Variants in ACSM2B observed in about 807,000 individuals in gnomAD.
ACSM2B encodes the protein acyl-coenzyme A synthetase ACSM2B, mitochondrial.
Under a neutral mutation model 78.6 loss-of-function variants are expected in ACSM2B, and 58 were observed. The ratio of observed to expected loss-of-function variants is 0.74; its 90% CI spans 0.60 to 0.92. The LOEUF (loss-of-function observed/expected upper bound fraction) is 0.92. Ranked by LOEUF, ACSM2B falls within the 40% of genes least tolerant of loss-of-function variation. The pLI is 0.00. For synonymous variants in ACSM2B, 257 were observed against 256.8 expected (o/e 1.00, Z -0.01); for missense variants, 688 against 711.2 (o/e 0.97, Z 0.37).
rs1443827391 is a variant in ACSM2B at position 20,539,015 on chromosome 16, T to TAC, written c.1629+1637_1629+1638dup. 1.8e-4 allele frequency among the ~76,000 whole-genome samples: 28 copies of TAC among 152,184 alleles called. No individual in the cohort carries two copies. The East Asian group carries it at 2.1e-3, about 12-fold the overall frequency. ...GGTCACACTCCTTCCCAGGGCAGCCTACATCCATACCTGATCCACCTGTGA... is the reference window on the plus strand; with the variant it reads ...GGTCACACTCCTTCCCAGGGCAGCCTACACATCCATACCTGATCCACCTGTGA... On this transcript the variant is annotated intron_variant, in intron 13 of 13. Transcript: ENST00000329697.
chr16:20,559,521 A>G, intron 2 of ACSM2B, 74 bp from the exon 3 acceptor site: 2 of 1,546,616 alleles, frequency 1.3e-6, no homozygotes, highest in Non-Finnish European at 1.8e-6. Flanking sequence ...AAGTCTTGGG[A>G]TTGCCAAGCT....
chr16:20,569,984 A>G (rs1567220795), intron 1 of ACSM2B, among the ~76,000 whole-genome samples: 1 of 151,876 alleles, frequency 6.6e-6, no homozygotes, highest in African/African-American at 2.4e-5. Flanking sequence ...TCTTCTAGGT[A>G]TACAATCATA....
intron 10 of ACSM2B, chr16:20,544,482 C>T: frequency 2.7e-6 from 2 of 744,704 alleles, no homozygotes; most frequent in Non-Finnish European, 3.3e-6. Context: ...GTTTATACAA[C>T]AATGCTTGCC....
chr16:20,549,752 A>G (rs1412244899), intron 6 of ACSM2B: 9 of 450,006 alleles, frequency 2.0e-5, no homozygotes, highest in Admixed American at 9.5e-5. Flanking sequence ...TAAGACATCA[A>G]TCAAACACAT....
intron 2 of ACSM2B, among the ~76,000 whole-genome samples, chr16:20,559,899 T>C (rs1336851444): frequency 6.6e-6 from 1 of 151,110 alleles, no homozygotes; most frequent in Non-Finnish European, 1.5e-5. Flanking sequence ...ATGTATCTTC[T>C]GGAAAATGCT....
rs1179779015 is a variant in ACSM2B, at chr16:20,536,340, C to T, written c.*918G>A. On this transcript the variant is annotated 3_prime_UTR_variant, in exon 14 of 14. Coordinates refer to ENST00000329697, the MANE Select transcript of ACSM2B (RefSeq NM_001105069.2). ...AACATGAGGTATGGGTAGCTGATAA[C>T]TTTGGCAGTGCTTACTTTGTTCTCA... is the stretch of plus-strand genomic sequence containing the variant. The T allele has an allele frequency of 2.0e-5, 3 of 152,118 alleles. No individual in the cohort carries two copies. In the East Asian group the frequency reaches 5.8e-4, roughly 29 times the overall value. The allele number at this position is 152,118 out of a possible 1,614,324, so 9.4% of individuals were successfully genotyped here.
chr16:20,573,075 T>C lies in ACSM2B; in HGVS notation c.-9+3132A>G, dbSNP rs559417142. 3.4e-3 allele frequency among the ~76,000 whole-genome samples: 510 copies of C among 151,410 alleles called. 1 individual carries two copies. The highest frequency in any genetic ancestry group is 5.2e-3 in the Non-Finnish European group (356 of 67,828). On this transcript the variant is annotated intron_variant, in intron 1 of 13. Coordinates refer to ENST00000329697, the MANE Select transcript of ACSM2B (RefSeq NM_001105069.2). ...ATACTTTCTCAGGTAAATTAGGAGT[T>C]TCTTCTTGGTTTGGATCCATTGCTG...
intron 9 of ACSM2B, 49 bp from the exon 10 acceptor site, chr16:20,545,307 C>T: frequency 6.3e-7 from 1 of 1,582,978 alleles, no homozygotes; most frequent in East Asian, 2.3e-5. Context: ...CAGGAGATGG[C>T]TTCAATGGCA....
intron 8 of ACSM2B, chr16:20,547,269 G>C: frequency 2.0e-6 from 2 of 985,368 alleles, no homozygotes; most frequent in Non-Finnish European, 2.4e-6. Context: ...ATGGTGGGAG[G>C]CCCCTGCCAG....
In ACSM2B at chr16:20,559,439, C is replaced by A; in HGVS notation, c.186G>T (p.Lys62Asn). The change falls in exon 3 of 14, where the codon AAG (lysine) becomes AAT (asparagine). Residue 62 changes from lysine to asparagine, a missense_variant. Transcript: ENST00000329697. ...DHWADMEKAG[K>N]RLPSPALWWV... ...ACCACAGGGCTGGGCTTGGGAGTCG[C>A]TTGCCAGCCTGAGGAAAGAGAAACC... 6.2e-7 allele frequency: 1 copy of A among 1,612,810 alleles called. No homozygotes were observed. Among genetic ancestry groups the A allele is most frequent in the East Asian group, 2.2e-5 (1 of 44,878 alleles).
intron 5 of ACSM2B, 27 bp downstream of exon 5, chr16:20,553,750 T>C: frequency 1.2e-6 from 2 of 1,602,494 alleles, no homozygotes; most frequent in Non-Finnish European, 1.7e-6. Context: ...CATGCAATTC[T>C]CTGTAGAGAG....
chr16:20,559,889 A>G (rs1305072315), intron 2 of ACSM2B, among the ~76,000 whole-genome samples: 2 of 151,078 alleles, frequency 1.3e-5, no homozygotes, highest in Non-Finnish European at 2.9e-5. Flanking sequence ...GAGTACCAAC[A>G]TGTATCTTCT....
intron 13 of ACSM2B, among the ~76,000 whole-genome samples, chr16:20,540,224 G>GTTTTT (rs67241828): frequency 1.3e-5 from 1 of 77,442 alleles, no homozygotes; most frequent in African/African-American, 3.1e-5. Context: ...TTTTTTTTTT[G>GTTTTT]TTTTTTTTTT....
intron 8 of ACSM2B, chr16:20,547,119 A>G (rs9926388): frequency 0.21 from 208,932 of 1,011,676 alleles, 23,699 homozygotes; most frequent in East Asian, 0.69. Flanking sequence ...AGATGTCACA[A>G]TGACCCATCT....
At chr16:20,545,019 A>G (rs1355290350) in intron 10 of ACSM2B, 138 bp downstream of exon 10, 18 of 1,229,108 alleles carry the variant, frequency 1.5e-5, no homozygotes, top group African/African-American at 3.1e-5. Flanking sequence ...CTGGCAAAGC[A>G]TACATTCTTG....
At chr16:20,560,675 A>G (rs369521096) in intron 2 of ACSM2B, among the ~76,000 whole-genome samples, 67 of 152,202 alleles carry the variant, frequency 4.4e-4, no homozygotes, top group African/African-American at 1.5e-3. Flanking sequence ...GGATATTGCT[A>G]TAAAGATACC....
At chr16:20,548,725 A>G (rs1328830157) in intron 6 of ACSM2B, among the ~76,000 whole-genome samples, 1 of 152,068 alleles carries the variant, frequency 6.6e-6, no homozygotes, top group Non-Finnish European at 1.5e-5. Context: ...TTTTTGTCAA[A>G]TCCTGGATGT....
At position 20,546,124 on chromosome 16, in the gene ACSM2B, T is replaced by C. The variant is rs564983200; in HGVS notation, c.1179+270A>G. On this transcript the variant is annotated intron_variant, in intron 9 of 13. Coordinates refer to ENST00000329697, the MANE Select transcript of ACSM2B (RefSeq NM_001105069.2). ...TCAAGATTCACCCCATTTTTGTTTTTAAAGCATATATACTTGTATACTGTC... is the reference window on the plus strand; with the variant it reads ...TCAAGATTCACCCCATTTTTGTTTTCAAAGCATATATACTTGTATACTGTC... Among the ~76,000 whole-genome samples, 5 of 152,322 alleles carry C rather than the reference T, an allele frequency of 3.3e-5. No individual in the cohort carries two copies. The South Asian group carries it at 1.0e-3, about 32-fold the overall frequency.
chr16:20,552,102 G>C, intron 6 of ACSM2B, 42 bp downstream of exon 6: 1 of 1,554,156 alleles, frequency 6.4e-7, no homozygotes, highest in South Asian at 1.3e-5. Flanking sequence ...GCAAACCTCG[G>C]GCTCACTCTG....
Sources: allele counts gnomAD v4.1 joint callset (sites outside exome capture counted in the v4.1 genomes callset), GRCh38; gene constraint gnomAD v4.1.1; transcripts MANE v1.5; gene names NCBI Gene and HGNC (gene_info 2026-07-23, HGNC 2026-07-21).